Variants in CHD1 observed in about 807,000 individuals in gnomAD.
CHD1 encodes the protein chromodomain helicase DNA binding protein 1, also known as ATP-dependent chromatin remodeler CHD1.
In CHD1, 36 loss-of-function variants were observed where a neutral mutation model predicts 224.2. The observed-to-expected ratio is 0.16, with a 90% CI of 0.12 to 0.21. The LOEUF (loss-of-function observed/expected upper bound fraction) is 0.21. CHD1 is among the 10% of genes least tolerant of loss of function. The pLI, the probability that CHD1 is intolerant of heterozygous loss-of-function variation, is 1.00. For synonymous variants in CHD1, 668 were observed against 658.3 expected (o/e 1.01, Z -0.23); for missense variants, 1,378 against 1,994.8 (o/e 0.69, Z 5.89).
At chr5:98,883,769 C>T (rs1008112226) in intron 18 of CHD1, 1 of 173,438 alleles carries the variant, frequency 5.8e-6, no homozygotes, top group Non-Finnish European at 1.1e-5. Flanking sequence ...AACTACTCAG[C>T]CATAAAGAAG....
chr5:98,861,291 C>G (rs1019692142), intron 32 of CHD1, among the ~76,000 whole-genome samples: 1 of 152,112 alleles, frequency 6.6e-6, no homozygotes, highest in Non-Finnish European at 1.5e-5. Context: ...TTAAAAGGAT[C>G]AGCTAGAATG....
At chr5:98,919,225 G>A (rs970203279) in intron 2 of CHD1, among the ~76,000 whole-genome samples, 2 of 152,194 alleles carry the variant, frequency 1.3e-5, no homozygotes, top group East Asian at 3.9e-4. Flanking sequence ...CATTACTGGA[G>A]TACAGAAAAA....
intron 32 of CHD1, 47 bp from the exon 33 acceptor site, chr5:98,860,115 T>C (rs756549988): frequency 8.4e-6 from 9 of 1,072,208 alleles, no homozygotes; most frequent in Admixed American, 7.5e-5. Context: ...TGGTGGAAAA[T>C]ATTTAGTTTT....
At chr5:98,924,773 C>A (rs893307858) in intron 2 of CHD1, among the ~76,000 whole-genome samples, 3 of 152,118 alleles carry the variant, frequency 2.0e-5, no homozygotes, top group Admixed American at 2.0e-4. Context: ...GCCAGGAGTT[C>A]GAGACCAGCC....
chr5:98,884,571 G>T (rs1048945365), intron 18 of CHD1, among the ~76,000 whole-genome samples: 2 of 152,102 alleles, frequency 1.3e-5, no homozygotes, highest in East Asian at 3.9e-4. Context: ...TACTGCTCAG[G>T]TGAAGGGTGC....
chr5:98,903,828 T>C lies in CHD1; in HGVS notation c.336A>G (p.Gln112=), dbSNP rs775756184. 129 of 1,613,634 alleles carry C rather than the reference T, an allele frequency of 8.0e-5. No homozygotes were observed. The highest frequency in any genetic ancestry group is 1.1e-4 in the Non-Finnish European group (128 of 1,179,802). The change falls in exon 4 of 36, where the codon CAA becomes CAG. Residue 112 remains glutamine (Q), a synonymous_variant. Coordinates refer to ENST00000614616, the MANE Select transcript of CHD1 (RefSeq NM_001270.4). The part of the protein sequence containing the change: ...LKKQQQQQQQ[Q]QHQASSNSGS... ...CGCTATTAGATGAGGCTTGATGTTG[T>C]TGTTGCTGCTGCTGCTGTTGCTGCT... is the stretch of plus-strand genomic sequence containing the variant.
chr5:98,885,729 T>G (rs1750607913), intron 17 of CHD1, 80 bp from the exon 18 acceptor site: 1 of 861,416 alleles, frequency 1.2e-6, no homozygotes, highest in African/African-American at 1.7e-5. Flanking sequence ...TAAAATTAAG[T>G]AGAAATGTGA....
At chr5:98,862,683 T>C (rs1374479756) in intron 32 of CHD1, among the ~76,000 whole-genome samples, 1 of 152,188 alleles carries the variant, frequency 6.6e-6, no homozygotes, top group Non-Finnish European at 1.5e-5. Flanking sequence ...ACATTCTAAC[T>C]CTTTGAACCT....
In CHD1 at chr5:98,875,028, T is replaced by G. The variant is rs186649871; in HGVS notation, c.3440+44A>C. 2,835 of 965,554 alleles carry G rather than the reference T, an allele frequency of 2.9e-3. 16 individuals carry two copies. Among genetic ancestry groups the G allele is most frequent in the Non-Finnish European group, 4.0e-3 (2,459 of 611,370 alleles). 59.8% of individuals were successfully genotyped at this position (965,554 alleles called of 1,614,324 possible). The stretch of plus-strand genomic sequence containing the variant: ...ATACAAATAAATAAAGGTGACAGCA[T>G]GTAACACATTCCATTATTCTATGAG... On this transcript the variant is annotated intron_variant, in intron 25 of 35. Coordinates refer to ENST00000614616, the MANE Select transcript of CHD1 (RefSeq NM_001270.4).
rs774528441 is a variant in CHD1, at chr5:98,854,303, T to C, written c.*2077A>G. The C allele has an allele frequency of 1.9e-4, 29 of 152,072 alleles. No homozygotes were observed. The highest frequency in any genetic ancestry group is 4.4e-5 in the Non-Finnish European group (3 of 67,918). The allele number at this position is 152,072 out of a possible 1,614,324, so 9.4% of individuals were successfully genotyped here. On this transcript the variant is annotated 3_prime_UTR_variant, in exon 36 of 36. Transcript: ENST00000614616. ...CTAAATGTAGCACTATTTAAAAAAT[T>C]AGAGCCTTATCTCAGAAAATGCAAC...
intron 28 of CHD1, among the ~76,000 whole-genome samples, chr5:98,871,540 T>C (rs1373610874): frequency 6.6e-6 from 1 of 151,964 alleles, no homozygotes; most frequent in African/African-American, 2.4e-5. Flanking sequence ...AATATATAGT[T>C]AGATGGAAGA....
chr5:98,899,340 G>T, intron 8 of CHD1, 140 bp downstream of exon 8: 1 of 610,688 alleles, frequency 1.6e-6, no homozygotes, highest in South Asian at 2.3e-5. Context: ...GAGAAGCTGT[G>T]GACAAAGACA....
intron 2 of CHD1, among the ~76,000 whole-genome samples, chr5:98,918,778 A>G (rs1752912768): frequency 6.6e-6 from 1 of 151,716 alleles, no homozygotes; most frequent in Non-Finnish European, 1.5e-5. Context: ...ACAAAAAAAA[A>G]AACTTCCTCT....
intron 17 of CHD1, among the ~76,000 whole-genome samples, chr5:98,886,592 C>T (rs1459411754): frequency 6.6e-6 from 1 of 152,100 alleles, no homozygotes; most frequent in African/African-American, 2.4e-5. Flanking sequence ...AAGCCATATG[C>T]CTACCTTTGC....
At chr5:98,871,249 G>A (rs1485898976) in intron 28 of CHD1, among the ~76,000 whole-genome samples, 2 of 151,348 alleles carry the variant, frequency 1.3e-5, no homozygotes, top group South Asian at 4.2e-4. Flanking sequence ...AGTTTTACAG[G>A]GGAATCTAGA....
At chr5:98,919,847 A>G (rs1470718891) in intron 2 of CHD1, among the ~76,000 whole-genome samples, 1 of 152,220 alleles carries the variant, frequency 6.6e-6, no homozygotes, top group Non-Finnish European at 1.5e-5. Context: ...GAGAGGAAAT[A>G]AAAGCAGTGA....
At position 98,894,675 on chromosome 5, in the gene CHD1, A is replaced by C. The variant is rs558350731; in HGVS notation, c.1722T>G (p.His574Gln). The change falls in exon 13 of 36, where the codon CAT (histidine) becomes CAG (glutamine). Residue 574 changes from histidine (H) to glutamine (Q), a missense_variant. By Grantham distance (24) the His-to-Gln change is conservative. Coordinates refer to ENST00000614616, the MANE Select transcript of CHD1 (RefSeq NM_001270.4). Reference protein sequence around the residue: ...DINSRNMIRTHEWTHHQTKRL... With the variant: ...DINSRNMIRTQEWTHHQTKRL... ...GTTTGGTCTGATGATGCGTCCATTC[A>C]TGAGTTCTTATCTATTAAGAAATTT... The C allele has an allele frequency of 6.8e-7, 1 of 1,467,096 alleles. No homozygotes were observed. Among genetic ancestry groups the C allele is most frequent in the Admixed American group, 1.9e-5 (1 of 52,858 alleles). 90.9% of individuals were successfully genotyped at this position (1,467,096 alleles called of 1,614,324 possible). A position where few individuals can be genotyped will look rare whatever the true frequency, so the allele number is the denominator to read the frequency against.
chr5:98,870,194 T>C (rs1447327236), intron 29 of CHD1, among the ~76,000 whole-genome samples: 1 of 152,174 alleles, frequency 6.6e-6, no homozygotes, highest in Non-Finnish European at 1.5e-5. Context: ...GAGACTGCAT[T>C]AGGAATGATT....
chr5:98,925,970 T>G (rs1753429615), intron 2 of CHD1, among the ~76,000 whole-genome samples: 1 of 151,866 alleles, frequency 6.6e-6, no homozygotes, highest in African/African-American at 2.4e-5. Flanking sequence ...CAGAAAAAGA[T>G]GAGTGAAAAA....
Sources: allele counts gnomAD v4.1 joint callset (sites outside exome capture counted in the v4.1 genomes callset), GRCh38; gene constraint gnomAD v4.1.1; transcripts MANE v1.5; gene names NCBI Gene and HGNC (gene_info 2026-07-23, HGNC 2026-07-21).